NBPF3: variants seen among roughly 807,000 people sequenced by gnomAD.
NBPF3 encodes the protein NBPF family member NBPF3.
In NBPF3, 57 loss-of-function variants were observed where a neutral mutation model predicts 78.1. That is an observed-to-expected ratio of 0.73 (90% CI 0.59 to 0.91). The LOEUF is 0.91. NBPF3 is among the 40% of genes least tolerant of loss of function. The probability of loss-of-function intolerance (pLI) is 0.00; values close to 1 mark genes in which losing one functional copy is unlikely to be tolerated. For missense variants in NBPF3, 510 were observed against 715.3 expected (o/e 0.71, Z 3.27); for synonymous variants, 182 against 271.7 (o/e 0.67, Z 3.25).
chr1:21,469,928 G>A (rs551218446), intron 3 of NBPF3, among the ~76,000 whole-genome samples: 48 of 152,168 alleles, frequency 3.2e-4, no homozygotes, highest in Non-Finnish European at 5.7e-4. Flanking sequence ...TGTACATAGG[G>A]TACTACAGAA....
chr1:21,451,258 A>G (rs4311854), intron 2 of NBPF3, among the ~76,000 whole-genome samples: 99,966 of 152,046 alleles, frequency 0.66, 34,459 homozygotes, highest in South Asian at 0.87. Context: ...CCAGTTTTTC[A>G]TATTATGAAT....
chr1:21,470,356 C>T (rs977942601), intron 3 of NBPF3, among the ~76,000 whole-genome samples: 2 of 152,246 alleles, frequency 1.3e-5, no homozygotes, highest in African/African-American at 4.8e-5. Context: ...CAGAGTCAGA[C>T]CTCAGGGGCT....
In NBPF3 at chr1:21,484,228, G is replaced by A. The variant is rs1219235929; in HGVS notation, c.*842G>A. ...GACCTGTCTCCTTCACACAGTCCAC[G>A]TCACCACGAATCACACAACAAAAAG... On this transcript the variant is annotated 3_prime_UTR_variant, in exon 15 of 15. Transcript: ENST00000318249. 5 of 139,494 alleles carry A rather than the reference G, an allele frequency of 3.6e-5. No individual in the cohort carries two copies. Among genetic ancestry groups the A allele is most frequent in the African/African-American group, 7.9e-5 (3 of 38,056 alleles). The allele number at this position is 139,494 out of a possible 1,614,324, so 8.6% of individuals were successfully genotyped here.
chr1:21,462,994 A>G (rs1642036152), intron 2 of NBPF3, among the ~76,000 whole-genome samples: 1 of 152,236 alleles, frequency 6.6e-6, no homozygotes, highest in Admixed American at 6.5e-5. Context: ...AACAATTGAC[A>G]AAGAATAGAC....
upstream of NBPF3, among the ~76,000 whole-genome samples, chr1:21,438,718 A>G (rs6680628): frequency 0.72 from 108,986 of 152,066 alleles, 40,165 homozygotes; most frequent in South Asian, 0.9. Context: ...TAGGAGAATG[A>G]AAACTTAAAT....
chr1:21,483,540 C>T lies in NBPF3; in HGVS notation c.*154C>T. On this transcript the variant is annotated 3_prime_UTR_variant, in exon 15 of 15. Coordinates refer to ENST00000318249, the MANE Select transcript of NBPF3 (RefSeq NM_032264.6). The stretch of plus-strand genomic sequence containing the variant: ...CCTATTCTCAGACCATGCCAGTGGC[C>T]ACCTGTGCTCAGTCTGAAGACGTTG... 3.3e-6 allele frequency: 1 copy of T among 303,232 alleles called. No homozygotes were observed. Among genetic ancestry groups the T allele is most frequent in the Non-Finnish European group, 5.8e-6 (1 of 173,410 alleles). The allele number at this position is 303,232 out of a possible 1,614,324, so 18.8% of individuals were successfully genotyped here.
At position 21,483,150 on chromosome 1, in the gene NBPF3, G is replaced by A. The variant is rs1410405171; in HGVS notation, c.1666G>A (p.Glu556Lys). Residue 556 changes from glutamate to lysine, a missense_variant, in exon 15 of 15, where the codon GAG (glutamate) becomes AAG (lysine). Transcript: ENST00000318249. ...TTTTGTCTCCTTTTCCAGGCTCAAC[G>A]AGGTGCTGATGGAAGCAGAAGAGCC... ...DQKPPCPRLN[E>K]VLMEAEEPEV... 4 of 1,611,166 alleles carry A rather than the reference G, an allele frequency of 2.5e-6. No homozygotes were observed. Among genetic ancestry groups the A allele is most frequent in the Admixed American group, 1.7e-5 (1 of 59,592 alleles).
intron 1 of NBPF3, among the ~76,000 whole-genome samples, chr1:21,444,621 T>C (rs775627030): frequency 1.1e-4 from 16 of 152,192 alleles, no homozygotes; most frequent in Non-Finnish European, 2.1e-4. Flanking sequence ...CACTAACCTC[T>C]AACTCAAGGC....
rs1275159375 is a variant in NBPF3 at position 21,484,112 on chromosome 1, TGC to T, written c.*727_*728del. Reference sequence around the variant, plus strand: ...CTCTGCCAGTGCAGAATATGAACAATGCCATGTTCTTGCAGAAAATGCTTAGC... The same window carrying T: ...CTCTGCCAGTGCAGAATATGAACAATCATGTTCTTGCAGAAAATGCTTAGC... On this transcript the variant is annotated 3_prime_UTR_variant, in exon 15 of 15. Transcript: ENST00000318249. The T allele has an allele frequency of 7.0e-5, 5 of 71,208 alleles. No individual in the cohort carries two copies. Among genetic ancestry groups the T allele is most frequent in the Admixed American group, 3.6e-4 (2 of 5,600 alleles). The allele number at this position is 71,208 out of a possible 1,614,324, so 4.4% of individuals were successfully genotyped here. A position where few individuals can be genotyped will look rare whatever the true frequency, so the allele number is the denominator to read the frequency against.
intron 4 of NBPF3, 75 bp from the exon 5 acceptor site, chr1:21,471,494 A>G (rs371008618): frequency 8.7e-6 from 14 of 1,606,316 alleles, no homozygotes; most frequent in Middle Eastern, 4.5e-4. Flanking sequence ...TGTCTCAGAA[A>G]TCTGTGTTGC....
chr1:21,475,567 T>C (rs563213482), intron 8 of NBPF3, among the ~76,000 whole-genome samples: 36 of 152,312 alleles, frequency 2.4e-4, no homozygotes, highest in African/African-American at 8.4e-4. Flanking sequence ...AGTTGTGCAG[T>C]TTTGAGTGAG....
In NBPF3 at chr1:21,460,433, T is replaced by C. The variant is rs182128618; in HGVS notation, c.134-8255T>C. 1.3e-5 allele frequency among the ~76,000 whole-genome samples: 2 copies of C among 152,290 alleles called. No homozygotes were observed. The highest frequency in any genetic ancestry group is 4.8e-5 in the African/African-American group (2 of 41,572). ...TGTTCCCCGCCCTGTGTCCAAGTGT[T>C]CTCATTGTTCAGTTCCCATCCATGA... is the stretch of plus-strand genomic sequence containing the variant. On this transcript the variant is annotated intron_variant, in intron 2 of 14. Coordinates refer to ENST00000318249, the MANE Select transcript of NBPF3 (RefSeq NM_032264.6). This position sits in a 1 kb window ranked among gnomAD's most constrained non-coding sequence, Gnocchi z 4.2.
At chr1:21,474,450 T>C (rs1570077248) in intron 7 of NBPF3, among the ~76,000 whole-genome samples, 1 of 152,208 alleles carries the variant, frequency 6.6e-6, no homozygotes, top group Admixed American at 6.5e-5. Flanking sequence ...ATGATTCACC[T>C]TCCTTGACCT....
intron 5 of NBPF3, 120 bp downstream of exon 5, chr1:21,471,903 C>T (rs960602184): frequency 8.8e-6 from 12 of 1,367,082 alleles, no homozygotes; most frequent in Admixed American, 7.7e-5. Flanking sequence ...CGTATGTGGC[C>T]GTGACATAAG....
intron 6 of NBPF3, among the ~76,000 whole-genome samples, 177 bp from the exon 7 acceptor site, chr1:21,473,203 G>A (rs1642701185): frequency 6.6e-6 from 1 of 152,196 alleles, no homozygotes; most frequent in South Asian, 2.1e-4. Context: ...GGCTCCCATG[G>A]CTGCCATGCT....
chr1:21,478,487 T>C (rs577977678), intron 9 of NBPF3, among the ~76,000 whole-genome samples, 180 bp downstream of exon 9: 3 of 152,272 alleles, frequency 2.0e-5, no homozygotes, highest in Admixed American at 6.5e-5. Flanking sequence ...GTGGGGTGGG[T>C]CAGTGAGCTT....
intron 4 of NBPF3, 121 bp downstream of exon 4, chr1:21,470,855 AG>A (rs942485476): frequency 5.0e-6 from 3 of 604,592 alleles, no homozygotes; most frequent in Non-Finnish European, 9.1e-6. Flanking sequence ...TTGCCATGGC[AG>A]GCTCACGACA....
intron 1 of NBPF3, among the ~76,000 whole-genome samples, chr1:21,442,002 A>C (rs950307640): frequency 1.3e-5 from 2 of 152,126 alleles, no homozygotes; most frequent in African/African-American, 4.8e-5. Context: ...GAGATTGAGT[A>C]TCTTTTATTG....
chr1:21,458,581 C>G (rs1224413660), intron 2 of NBPF3, among the ~76,000 whole-genome samples: 4 of 152,140 alleles, frequency 2.6e-5, no homozygotes, highest in African/African-American at 7.2e-5. Flanking sequence ...GAATACTACT[C>G]AGCAATTACA....
Sources: gnomAD v4.1 joint callset for allele counts (sites outside exome capture counted in the v4.1 genomes callset) on GRCh38, gnomAD v4.1.1 for gene constraint, Gnocchi (gnomAD v3.1) non-coding constraint, MANE v1.5 for transcripts, NCBI Gene and HGNC (gene_info 2026-07-23, HGNC 2026-07-21) for gene names.